TTLL5: variants seen among roughly 807,000 people sequenced by gnomAD.
TTLL5 encodes the protein tubulin tyrosine ligase like 5.
TTLL5 carries 132 observed loss-of-function variants against 168.4 expected under a neutral mutation model. The observed-to-expected ratio is 0.78, with a 90% CI of 0.68 to 0.91. The LOEUF (loss-of-function observed/expected upper bound fraction) is 0.91. TTLL5 is among the 40% of genes least tolerant of loss of function. The pLI, the probability that TTLL5 is intolerant of heterozygous loss-of-function variation, is 0.00. For missense variants in TTLL5, 1,545 were observed against 1,581.5 expected (o/e 0.98, Z 0.39); for synonymous variants, 546 against 558.6 (o/e 0.98, Z 0.32).
chr14:75,943,359 A>G (rs116227880), intron 31 of TTLL5, among the ~76,000 whole-genome samples: 1 of 152,308 alleles, frequency 6.6e-6, no homozygotes, highest in East Asian at 1.9e-4. Flanking sequence ...ATGTAAGTCA[A>G]CTAGAAATAA....
intron 30 of TTLL5, among the ~76,000 whole-genome samples, chr14:75,887,838 A>G (rs1283992576): frequency 2.0e-5 from 3 of 152,256 alleles, no homozygotes; most frequent in Non-Finnish European, 2.9e-5. Flanking sequence ...TTTACCACTT[A>G]AATGACCAGG....
chr14:75,666,497 T>G (rs899124417), intron 2 of TTLL5, among the ~76,000 whole-genome samples: 1 of 152,278 alleles, frequency 6.6e-6, no homozygotes, highest in Non-Finnish European at 1.5e-5. Context: ...AAATGTCAAC[T>G]TTAATTGCTA....
chr14:75,789,119 A>T (rs903736253), intron 26 of TTLL5, among the ~76,000 whole-genome samples: 3 of 152,194 alleles, frequency 2.0e-5, no homozygotes, highest in Admixed American at 2.0e-4. Flanking sequence ...ATTTGCCAAA[A>T]ACCTGCAAGA....
chr14:75,908,346 T>G (rs1381998416), intron 31 of TTLL5, among the ~76,000 whole-genome samples: 1 of 151,324 alleles, frequency 6.6e-6, no homozygotes, highest in East Asian at 2.0e-4. Context: ...AAGAATTAGG[T>G]TGTTTACAAA....
Position 75,885,204 on chromosome 14 carries a change from A to G in TTLL5, c.3740+2302A>G, listed in dbSNP as rs61501180. The stretch of plus-strand genomic sequence containing the variant: ...AAATAATTAATTAATTAAAATAAAA[A>G]AACTGGCCAGGTGCGGTGGCTCACG... On this transcript the variant is annotated intron_variant, in intron 30 of 31. Coordinates refer to ENST00000298832, the MANE Select transcript of TTLL5 (RefSeq NM_015072.5). Among the ~76,000 whole-genome samples, 1,328 of 144,800 alleles carry G rather than the reference A, an allele frequency of 9.2e-3. 17 individuals carry two copies. The highest frequency in any genetic ancestry group is 0.032 in the African/African-American group (1,262 of 38,840). 95.0% of individuals were successfully genotyped at this position (144,800 alleles called of 152,430 possible). A position where few individuals can be genotyped will look rare whatever the true frequency, so the allele number is the denominator to read the frequency against.
In TTLL5 at chr14:75,882,900, C is replaced by G; in HGVS notation, c.3738C>G (p.Ser1246=). The change falls in exon 30 of 32, where the codon TCC becomes TCG. Residue 1246 remains serine, a splice_region_variant and synonymous_variant. Coordinates refer to ENST00000298832, the MANE Select transcript of TTLL5 (RefSeq NM_015072.5). ...GAAGGGCAACATCCCAGAAAGCTTCCAAGTAAGTTTTTTTCTGTTCAATTT... is the reference window on the plus strand; with the variant it reads ...GAAGGGCAACATCCCAGAAAGCTTCGAAGTAAGTTTTTTTCTGTTCAATTT... ...VLRRATSQKA[S]KGSSAEGQLN... 1 of 1,613,992 alleles carries G rather than the reference C, an allele frequency of 6.2e-7. No homozygotes were observed. Among genetic ancestry groups the G allele is most frequent in the Non-Finnish European group, 8.5e-7 (1 of 1,179,910 alleles).
At chr14:75,705,828 T>C (rs914838055) in intron 7 of TTLL5, among the ~76,000 whole-genome samples, 1 of 152,166 alleles carries the variant, frequency 6.6e-6, no homozygotes, top group African/African-American at 2.4e-5. Context: ...TGTGGTGACT[T>C]CCAGCTTTAT....
intron 31 of TTLL5, among the ~76,000 whole-genome samples, chr14:75,911,373 A>G (rs998266333): frequency 3.3e-5 from 5 of 152,132 alleles, no homozygotes; most frequent in Admixed American, 2.6e-4. Flanking sequence ...AGTAGCTTGA[A>G]TGTGTGGACT....
At chr14:75,914,033 A>AAAAAAAAAAAAATATATATATATATAT in intron 31 of TTLL5, among the ~76,000 whole-genome samples, 1 of 71,112 alleles carries the variant, frequency 1.4e-5, no homozygotes, top group Non-Finnish European at 2.1e-5. Context: ...AAAAAAAAAA[A>AAAAAAAAAAAAATATATATATATATAT]ATATATATAT....
chr14:75,831,507 C>G (rs1375295949), intron 28 of TTLL5, among the ~76,000 whole-genome samples: 1 of 152,156 alleles, frequency 6.6e-6, no homozygotes, highest in Non-Finnish European at 1.5e-5. Context: ...CCCTCTACTG[C>G]CCACAGCCAC....
chr14:75,783,513 C>A lies in TTLL5; in HGVS notation c.2969C>A (p.Pro990His). 11 of 1,613,504 alleles carry A rather than the reference C, an allele frequency of 6.8e-6. No individual in the cohort carries two copies. Among genetic ancestry groups the A allele is most frequent in the Non-Finnish European group, 9.3e-6 (11 of 1,179,494 alleles). Residue 990 changes from proline to histidine, a missense_variant, in exon 26 of 32, where the codon CCC (proline) becomes CAC (histidine). By Grantham distance (77) the Pro-to-His change is moderately conservative. Transcript: ENST00000298832. ...ATCTATAGCCAGAAACTGTCTCGTC[C>A]CTCTTCAGCAAAGGCAGGTGAGTGA... ...AHIYSQKLSRPSSAKAGSCYL... is the reference protein window; with the variant it reads ...AHIYSQKLSRHSSAKAGSCYL...
intron 31 of TTLL5, among the ~76,000 whole-genome samples, chr14:75,922,509 G>C (rs1403981227): frequency 6.6e-6 from 1 of 152,142 alleles, no homozygotes; most frequent in African/African-American, 2.4e-5. Context: ...TTTGTCTCTG[G>C]TTCTGTTTAT....
intron 31 of TTLL5, among the ~76,000 whole-genome samples, chr14:75,922,880 G>A (rs2033878873): frequency 6.6e-6 from 1 of 152,086 alleles, no homozygotes; most frequent in South Asian, 2.1e-4. Context: ...TGGTTGGTAG[G>A]CTATTAATTA....
At chr14:75,799,505 T>A (rs1453506083) in intron 27 of TTLL5, among the ~76,000 whole-genome samples, 1 of 152,250 alleles carries the variant, frequency 6.6e-6, no homozygotes, top group African/African-American at 2.4e-5. Context: ...CTGTTCATCA[T>A]GCTAGTTGTT....
At chr14:75,933,332 A>G (rs10145680) in intron 31 of TTLL5, among the ~76,000 whole-genome samples, 122,209 of 152,162 alleles carry the variant, frequency 0.8, 49,264 homozygotes, top group African/African-American at 0.87. Flanking sequence ...GTGTGGTTGC[A>G]TGTGCCTGTA....
At chr14:75,946,761 C>T (rs2034787482) in intron 31 of TTLL5, among the ~76,000 whole-genome samples, 1 of 151,462 alleles carries the variant, frequency 6.6e-6, no homozygotes, top group African/African-American at 2.4e-5. Flanking sequence ...AAAAAAACAA[C>T]AACACAGTGA....
At chr14:75,883,436 G>C (rs146315703) in intron 30 of TTLL5, among the ~76,000 whole-genome samples, 1 of 152,220 alleles carries the variant, frequency 6.6e-6, no homozygotes, top group Admixed American at 6.5e-5. Context: ...TTGGTGAAGA[G>C]CGTTGGTTCT....
At chr14:75,757,823 T>G in intron 18 of TTLL5, 1 of 1,590,200 alleles carries the variant, frequency 6.3e-7, no homozygotes, top group African/African-American at 1.3e-5. Flanking sequence ...TCCTTTCTGC[T>G]TCTGTAGGGG....
chr14:75,718,055 A>G (rs1887587335), intron 10 of TTLL5, 93 bp downstream of exon 10: 3 of 1,040,284 alleles, frequency 2.9e-6, no homozygotes, highest in Non-Finnish European at 4.4e-6. Flanking sequence ...CTGGAGGACA[A>G]CTTTACATTA....
Sources: gnomAD v4.1 joint callset for allele counts (sites outside exome capture counted in the v4.1 genomes callset) on GRCh38, gnomAD v4.1.1 for gene constraint, MANE v1.5 for transcripts, NCBI Gene and HGNC (gene_info 2026-07-23, HGNC 2026-07-21) for gene names.